The following DHX40 variants were observed in gnomAD, a reference collection of about 807,000 sequenced individuals.
DHX40 encodes the protein probable ATP-dependent RNA helicase DHX40.
In DHX40, 28 loss-of-function variants were observed where a neutral mutation model predicts 89.6. The observed-to-expected ratio is 0.31, with a 90% CI of 0.23 to 0.43. The LOEUF is 0.43. Ranked by LOEUF, DHX40 falls within the 20% of genes least tolerant of loss-of-function variation. The probability of loss-of-function intolerance (pLI) is 1.00; values close to 1 mark genes in which losing one functional copy is unlikely to be tolerated. For synonymous variants in DHX40, 226 were observed against 283.6 expected (o/e 0.80, Z 2.04); for missense variants, 457 against 844.0 (o/e 0.54, Z 5.68).
chr17:59,587,802 A>G, intron 11 of DHX40, 94 bp from the exon 12 acceptor site: 2 of 1,533,782 alleles, frequency 1.3e-6, no homozygotes, highest in East Asian at 4.6e-5. Context: ...GATTGGAGGT[A>G]ACGTAAATTA....
chr17:59,603,447 A>G (rs902336587), intron 15 of DHX40: 4 of 152,242 alleles, frequency 2.6e-5, no homozygotes, highest in Non-Finnish European at 5.9e-5. Context: ...GGAAAATGCA[A>G]GATGAGCCCA....
intron 2 of DHX40, among the ~76,000 whole-genome samples, chr17:59,569,296 C>T (rs1314742499): frequency 6.6e-6 from 1 of 150,920 alleles, no homozygotes; most frequent in Non-Finnish European, 1.5e-5. Flanking sequence ...CCACTGCACT[C>T]CCGCCTGGGC....
At chr17:59,572,527 A>AC (rs1422447605) in intron 3 of DHX40, among the ~76,000 whole-genome samples, 1 of 151,952 alleles carries the variant, frequency 6.6e-6, no homozygotes, top group Non-Finnish European at 1.5e-5. Flanking sequence ...TACAGGCGTG[A>AC]CCCACCACAC....
chr17:59,587,603 G>A (rs2049017823), intron 11 of DHX40, among the ~76,000 whole-genome samples: 1 of 151,500 alleles, frequency 6.6e-6, no homozygotes, highest in Non-Finnish European at 1.5e-5. Context: ...GACTACAGGC[G>A]CATGCCACCA....
In DHX40 at chr17:59,565,710, G is replaced by A. The variant is rs1270575981; in HGVS notation, c.39G>A (p.Arg13=). The A allele has an allele frequency of 2.5e-6, 4 of 1,604,136 alleles. No individual in the cohort carries two copies. In the Admixed American group the frequency reaches 5.0e-5, roughly 20 times the overall value. ...RFPAVAGRAP[R]RQEEGERSRD... is the part of the protein sequence containing the mutation. ...CCGCAGTCGCGGGCAGGGCGCCAAG[G>A]CGGCAGGAGGAGGGTGAGCGGTCAA... The change falls in exon 1 of 18, where the codon AGG becomes AGA. Residue 13 remains arginine, a synonymous_variant. Transcript: ENST00000251241.
chr17:59,570,704 G>A, intron 3 of DHX40, 41 bp downstream of exon 3: 1 of 1,578,990 alleles, frequency 6.3e-7, no homozygotes, highest in South Asian at 1.2e-5. Context: ...TTCTTTTATG[G>A]GACAGGGTCT....
chr17:59,605,196 A>G lies in DHX40; in HGVS notation c.1971+12A>G, dbSNP rs1428353998. 6.2e-7 allele frequency: 1 copy of G among 1,612,710 alleles called. No individual in the cohort carries two copies. Among genetic ancestry groups the G allele is most frequent in the African/African-American group, 1.3e-5 (1 of 75,028 alleles). On this transcript the variant is annotated intron_variant, in intron 16 of 17. Coordinates refer to ENST00000251241, the MANE Select transcript of DHX40 (RefSeq NM_024612.5). The stretch of plus-strand genomic sequence containing the variant: ...ATCCTTCCTCAGCAGTAAGTACTTC[A>G]TTTTTAATAAAGGGAAGAAATTTGT...
At position 59,598,028 on chromosome 17, in the gene DHX40, G is replaced by C. The variant is rs536042336; in HGVS notation, c.1583-709G>C. ...ACTACAGGCATGCATCACCATGCCTGGCTAATTTTTGTATATTTTGTAGAG... is the reference window on the plus strand; with the variant it reads ...ACTACAGGCATGCATCACCATGCCTCGCTAATTTTTGTATATTTTGTAGAG... On this transcript the variant is annotated intron_variant, in intron 12 of 17. Transcript: ENST00000251241. Among the ~76,000 whole-genome samples, 356 of 150,752 alleles carry C rather than the reference G, an allele frequency of 2.4e-3. 2 individuals carry two copies. Among genetic ancestry groups the C allele is most frequent in the Non-Finnish European group, 4.0e-3 (269 of 67,618 alleles).
chr17:59,603,640 C>T (rs1567901613), intron 15 of DHX40: 1 of 151,998 alleles, frequency 6.6e-6, no homozygotes, highest in Admixed American at 6.6e-5. Context: ...TCGTGTCTAT[C>T]GTGGTATAAA....
intron 12 of DHX40, among the ~76,000 whole-genome samples, chr17:59,592,040 T>A (rs2049091325): frequency 6.6e-6 from 1 of 151,606 alleles, no homozygotes; most frequent in South Asian, 2.1e-4. Flanking sequence ...GACTAATTTT[T>A]AAAAATTTTT....
At chr17:59,588,332 C>T (rs2049031463) in intron 12 of DHX40, among the ~76,000 whole-genome samples, 2 of 150,808 alleles carry the variant, frequency 1.3e-5, no homozygotes, top group South Asian at 4.2e-4. Flanking sequence ...GACATTCATC[C>T]CCTCAACCTC....
At chr17:59,594,758 G>A (rs530827661) in intron 12 of DHX40, among the ~76,000 whole-genome samples, 17 of 152,164 alleles carry the variant, frequency 1.1e-4, no homozygotes, top group Non-Finnish European at 2.2e-4. Flanking sequence ...CTTCCCTACC[G>A]AGTAGCATTT....
intron 2 of DHX40, among the ~76,000 whole-genome samples, chr17:59,568,517 A>G (rs1350148898): frequency 1.3e-5 from 2 of 152,146 alleles, no homozygotes; most frequent in South Asian, 2.1e-4. Context: ...TGCATATACT[A>G]TGTGTTTTCC....
Position 59,579,895 on chromosome 17 carries a change from G to GA in DHX40, c.1343+24dup. 3.2e-4 allele frequency: 14 copies of GA among 43,724 alleles called. No homozygotes were observed. Among genetic ancestry groups the GA allele is most frequent in the Non-Finnish European group, 3.3e-4 (11 of 32,854 alleles). 2.7% of individuals were successfully genotyped at this position (43,724 alleles called of 1,614,324 possible). On this transcript the variant is annotated intron_variant, in intron 10 of 17. Transcript: ENST00000251241. ...ATGTCATAAGGTATGTAGACAACTA[G>GA]AAAAAAAAGGAAAAACTTGTTAGCC...
At chr17:59,572,658 C>T (rs547712350) in intron 3 of DHX40, among the ~76,000 whole-genome samples, 1 of 152,128 alleles carries the variant, frequency 6.6e-6, no homozygotes, top group African/African-American at 2.4e-5. Flanking sequence ...GGATTACAGG[C>T]GTGAGCTACC....
In DHX40 at chr17:59,566,798, A is replaced by G. The variant is rs775956245; in HGVS notation, c.280+4A>G. 1 of 1,560,500 alleles carries G rather than the reference A, an allele frequency of 6.4e-7. No homozygotes were observed. Among genetic ancestry groups the G allele is most frequent in the East Asian group, 2.3e-5 (1 of 43,128 alleles). On this transcript the variant is annotated splice_donor_region_variant and intron_variant, in intron 2 of 17. Coordinates refer to ENST00000251241, the MANE Select transcript of DHX40 (RefSeq NM_024612.5). ...CCAAAATATCTATATGAAGCAGGTG[A>G]TTTTTTTCTGTTGTAATAATTGGAA...
chr17:59,566,846 T>A (rs771211943), intron 2 of DHX40, 52 bp downstream of exon 2: 1 of 1,487,064 alleles, frequency 6.7e-7, no homozygotes, highest in Admixed American at 2.4e-5. Context: ...TATCCTCTTT[T>A]TAAAGGCCAG....
chr17:59,571,382 G>A (rs575957977), intron 3 of DHX40, among the ~76,000 whole-genome samples: 48 of 151,164 alleles, frequency 3.2e-4, no homozygotes, highest in African/African-American at 1.1e-3. Context: ...GCTTGAACCC[G>A]GGAGGCGGAG....
At chr17:59,602,198 G>C (rs1267580685) in intron 14 of DHX40, among the ~76,000 whole-genome samples, 1 of 152,058 alleles carries the variant, frequency 6.6e-6, no homozygotes, top group Non-Finnish European at 1.5e-5. Flanking sequence ...CCCTAACCCA[G>C]GGAGTTCTCT....
Sources: gnomAD v4.1 joint callset for allele counts (sites outside exome capture counted in the v4.1 genomes callset) on GRCh38, gnomAD v4.1.1 for gene constraint, MANE v1.5 for transcripts, NCBI Gene and HGNC (gene_info 2026-07-23, HGNC 2026-07-21) for gene names.